Variants in CTR9 observed in about 807,000 individuals in gnomAD.
CTR9 encodes the protein RNA polymerase-associated protein CTR9 homolog.
In CTR9, 41 loss-of-function variants were observed where a neutral mutation model predicts 152.1. That is an observed-to-expected ratio of 0.27 (90% CI 0.21 to 0.35). CTR9 has a LOEUF of 0.35. Ranked by LOEUF, CTR9 falls within the 10% of genes least tolerant of loss-of-function variation. The probability of loss-of-function intolerance (pLI) is 1.00; values close to 1 mark genes in which losing one functional copy is unlikely to be tolerated. For synonymous variants in CTR9, 476 were observed against 496.2 expected, an observed-to-expected ratio of 0.96 and a Z score of 0.54; for missense variants, 917 against 1,424.4, an observed-to-expected ratio of 0.64 and a Z score of 5.73.
intron 21 of CTR9, 76 bp from the exon 22 acceptor site, chr11:10,773,936 C>T (rs1863187149): frequency 3.1e-6 from 3 of 970,492 alleles, no homozygotes; most frequent in African/African-American, 1.7e-5. Context: ...GGATATGGCC[C>T]CTTTCTGTAC....
Position 10,775,311 on chromosome 11 carries a change from T to G in CTR9, c.2982+8T>G, listed in dbSNP as rs771249531. 9 of 1,611,652 alleles carry G rather than the reference T, an allele frequency of 5.6e-6. No individual in the cohort carries two copies. The highest frequency in any genetic ancestry group is 7.6e-6 in the Non-Finnish European group (9 of 1,178,188). The stretch of plus-strand genomic sequence containing the variant: ...GCAGAGAAGAAAAAGGCTGTAAGTT[T>G]ATAGTACTGTGTTTTTCTGTCCCCT... On this transcript the variant is annotated splice_region_variant and intron_variant, in intron 23 of 24. Transcript: ENST00000361367.
chr11:10,772,762 C>G, intron 20 of CTR9, 107 bp downstream of exon 20: 1 of 1,142,700 alleles, frequency 8.8e-7, no homozygotes, highest in Non-Finnish European at 1.2e-6. Context: ...GCTGACACCT[C>G]TAATTCCAAC....
In CTR9 at chr11:10,760,304, G is replaced by A; in HGVS notation, c.724G>A (p.Glu242Lys). The A allele has an allele frequency of 6.2e-7, 1 of 1,613,782 alleles. No homozygotes were observed. The highest frequency in any genetic ancestry group is 8.5e-7 in the Non-Finnish European group (1 of 1,179,818). The change falls in exon 6 of 25, where the codon GAA (glutamate) becomes AAA (lysine). Residue 242 changes from glutamate (E) to lysine (K), a missense_variant. By Grantham distance (56) the Glu-to-Lys change is moderately conservative. This residue lies in a region of CTR9 where 110 missense variants were observed against 149.5 expected (regional missense o/e 0.74). Coordinates refer to ENST00000361367, the MANE Select transcript of CTR9 (RefSeq NM_014633.5). ...VGALVGLAVLELNNKEADSIK... is the reference protein window; with the variant it reads ...VGALVGLAVLKLNNKEADSIK... ...AGCATTGGTTGGACTGGCTGTTCTA[G>A]AACTCAACAATAAAGAGGTATGTAA...
Position 10,772,664 on chromosome 11 carries a change from T to C in CTR9, c.2580+9T>C. The C allele has an allele frequency of 6.3e-7, 1 of 1,586,072 alleles. No homozygotes were observed. The highest frequency in any genetic ancestry group is 1.2e-5 in the South Asian group (1 of 86,904). On this transcript the variant is annotated intron_variant, in intron 20 of 24. Coordinates refer to ENST00000361367, the MANE Select transcript of CTR9 (RefSeq NM_014633.5). ...AACTTCTTAAAGAACAGGTATCTTG[T>C]ATTTTCCAGTTATACTGGAATTAAT... is the stretch of plus-strand genomic sequence containing the variant.
intron 3 of CTR9, 45 bp from the exon 4 acceptor site, chr11:10,755,633 C>A: frequency 8.2e-7 from 1 of 1,224,178 alleles, no homozygotes; most frequent in South Asian, 1.3e-5. Context: ...GTTACATGTT[C>A]ATGGTATATA....
At chr11:10,776,531 A>G (rs1564973465) in intron 24 of CTR9, among the ~76,000 whole-genome samples, 1 of 152,186 alleles carries the variant, frequency 6.6e-6, no homozygotes, top group African/African-American at 2.4e-5. Flanking sequence ...TTCTGTAGCC[A>G]TCATTTTCAT....
chr11:10,774,769 G>A (rs769320417), intron 22 of CTR9, among the ~76,000 whole-genome samples: 8 of 152,106 alleles, frequency 5.3e-5, no homozygotes, highest in African/African-American at 1.9e-4. Flanking sequence ...ACCCTTGGCC[G>A]ACTATATTTG....
rs547311531 is a variant in CTR9 at position 10,768,186 on chromosome 11, T to C, written c.1960+25T>C. ...GGTGATTATAAGACTTGAGTACCCA[T>C]AACAATTTGTTTCAAATGAATACTT... is the stretch of plus-strand genomic sequence containing the variant. On this transcript the variant is annotated intron_variant, in intron 15 of 24. Transcript: ENST00000361367. The C allele has an allele frequency of 4.6e-5, 74 of 1,599,282 alleles. No individual in the cohort carries two copies. In the East Asian group the frequency reaches 1.3e-3, roughly 29 times the overall value.
chr11:10,770,171 C>A (rs1399179017), intron 16 of CTR9, 39 bp from the exon 17 acceptor site: 2 of 1,399,024 alleles, frequency 1.4e-6, no homozygotes, highest in Non-Finnish European at 2.0e-6. Flanking sequence ...GTCATTTATT[C>A]TTTGTTGTGT....
intron 22 of CTR9, 147 bp from the exon 23 acceptor site, chr11:10,775,060 C>G: frequency 1.6e-6 from 1 of 629,160 alleles, no homozygotes. Context: ...TAAGTTATGT[C>G]CCCTGCCCTT....
intron 24 of CTR9, 115 bp downstream of exon 24, chr11:10,775,748 T>G: frequency 1.5e-6 from 1 of 645,586 alleles, no homozygotes. Flanking sequence ...TCTTTATAAA[T>G]AATAAGAGGG....
In CTR9 at chr11:10,764,211, T is replaced by C. The variant is rs1161292615; in HGVS notation, c.1284+10T>C. 6 of 1,613,420 alleles carry C rather than the reference T, an allele frequency of 3.7e-6. No individual in the cohort carries two copies. The African/African-American group carries it at 8.0e-5, about 22-fold the overall frequency. On this transcript the variant is annotated intron_variant, in intron 10 of 24. Coordinates refer to ENST00000361367, the MANE Select transcript of CTR9 (RefSeq NM_014633.5). ...ACAGACTGATATACAGGTATTTTAG[T>C]AATGTTTTTTAATCTCTCATATGAT...
At chr11:10,758,213 G>T (rs1362715696) in intron 5 of CTR9, among the ~76,000 whole-genome samples, 5 of 152,206 alleles carry the variant, frequency 3.3e-5, no homozygotes, top group African/African-American at 1.2e-4. Context: ...GGAGGGCCTT[G>T]GGCAGCAGAG....
intron 16 of CTR9, among the ~76,000 whole-genome samples, chr11:10,769,725 G>A (rs1380925936): frequency 6.6e-6 from 1 of 152,196 alleles, no homozygotes; most frequent in Non-Finnish European, 1.5e-5. Context: ...CTATGTTCAT[G>A]TCACAATTAA....
At chr11:10,752,856 G>C in intron 2 of CTR9, 86 bp downstream of exon 2, 1 of 1,046,472 alleles carries the variant, frequency 9.6e-7, no homozygotes. Context: ...TAGCCAGCTT[G>C]GCTGCATGGT....
At position 10,770,473 on chromosome 11, in the gene CTR9, T is replaced by C. The variant is rs759822935; in HGVS notation, c.2227-14T>C. The C allele has an allele frequency of 1.9e-6, 3 of 1,604,838 alleles. No homozygotes were observed. Among genetic ancestry groups the C allele is most frequent in the East Asian group, 2.2e-5 (1 of 44,788 alleles). On this transcript the variant is annotated splice_polypyrimidine_tract_variant and intron_variant, in intron 17 of 24. Transcript: ENST00000361367. The stretch of plus-strand genomic sequence containing the variant: ...GTCATTTGAACATATGAAATATTTA[T>C]TTTTTATTCACAGGCTAGACATGTG...
At chr11:10,773,626 G>A (rs1411301204) in intron 21 of CTR9, among the ~76,000 whole-genome samples, 1 of 152,096 alleles carries the variant, frequency 6.6e-6, no homozygotes, top group Non-Finnish European at 1.5e-5. Context: ...AGTGGCTCAT[G>A]CTTATAATCC....
chr11:10,759,636 A>G (rs998147223), intron 5 of CTR9, among the ~76,000 whole-genome samples: 2 of 151,990 alleles, frequency 1.3e-5, no homozygotes, highest in Non-Finnish European at 2.9e-5. Context: ...GATCCAGTAG[A>G]GAGAAAAAAT....
rs147353504 is a variant in CTR9, at chr11:10,763,867, A to G, written c.1182A>G (p.Arg394=). The G allele has an allele frequency of 6.2e-7, 1 of 1,603,786 alleles. No individual in the cohort carries two copies. The highest frequency in any genetic ancestry group is 1.3e-5 in the African/African-American group (1 of 74,184). ...LYAASEDQEK[R]DIAKGHLKKV... ...CTGCCTCAGAAGATCAAGAAAAACG[A>G]GATATTGCCAAGGTACATCTTTTTT... The change falls in exon 9 of 25, where the codon CGA becomes CGG. Residue 394 remains arginine (R), a synonymous_variant. Coordinates refer to ENST00000361367, the MANE Select transcript of CTR9 (RefSeq NM_014633.5).
Sources: allele counts gnomAD v4.1 joint callset (sites outside exome capture counted in the v4.1 genomes callset), GRCh38; gene constraint gnomAD v4.1.1; regional missense constraint gnomAD v4.1.1; transcripts MANE v1.5; gene names NCBI Gene and HGNC (gene_info 2026-07-23, HGNC 2026-07-21).